The following ZNF131 variants were observed in gnomAD, a reference collection of about 807,000 sequenced individuals.
ZNF131 encodes zinc finger and BTB domain containing 35.
A neutral mutation model predicts 60.0 loss-of-function variants in ZNF131; 7 were observed. That is an observed-to-expected ratio of 0.12 (90% CI 0.07 to 0.22). ZNF131 has a LOEUF of 0.22. ZNF131 is among the 10% of genes least tolerant of loss of function. ZNF131 has a pLI of 1.00. For missense variants in ZNF131, 493 were observed against 740.9 expected (o/e 0.67, Z 3.88); for synonymous variants, 257 against 253.2 (o/e 1.01, Z -0.14).
chr5:43,163,936 C>T (rs1232300256), intron 5 of ZNF131, among the ~76,000 whole-genome samples: 1 of 152,126 alleles, frequency 6.6e-6, no homozygotes, highest in Non-Finnish European at 1.5e-5. Context: ...TGATGTTATC[C>T]CCCTCACTGT....
chr5:43,171,492 G>T (rs113122114), intron 5 of ZNF131, among the ~76,000 whole-genome samples: 1 of 152,072 alleles, frequency 6.6e-6, no homozygotes, highest in Admixed American at 6.6e-5. Context: ...CACTAACATG[G>T]TGAAACTCTG....
At chr5:43,141,812 T>C (rs976134153) in intron 4 of ZNF131, among the ~76,000 whole-genome samples, 3 of 151,744 alleles carry the variant, frequency 2.0e-5, no homozygotes, top group Non-Finnish European at 2.9e-5. Flanking sequence ...AAAACAATCA[T>C]TGCTTTTCAG....
chr5:43,120,930 G>A lies in ZNF131; in HGVS notation c.-209G>A, dbSNP rs961405840. ...GCCGCTGCCGGGGCCGCGGCCGCCC[G>A]GGTGCCCAACCGAACGCACGTGCGC... On this transcript the variant is annotated 5_prime_UTR_variant, in exon 1 of 7. Coordinates refer to ENST00000682664, the MANE Select transcript of ZNF131 (RefSeq NM_001330707.2). 1.3e-5 allele frequency: 2 copies of A among 152,188 alleles called. No homozygotes were observed. Among genetic ancestry groups the A allele is most frequent in the African/African-American group, 4.8e-5 (2 of 41,456 alleles). The allele number at this position is 152,188 out of a possible 1,614,324, so 9.4% of individuals were successfully genotyped here.
chr5:43,159,669 T>C (rs1252108659), intron 4 of ZNF131, among the ~76,000 whole-genome samples: 2 of 133,250 alleles, frequency 1.5e-5, no homozygotes, highest in Non-Finnish European at 1.6e-5. Flanking sequence ...CACTCCAGCC[T>C]GGGCCACAAG....
intron 5 of ZNF131, among the ~76,000 whole-genome samples, chr5:43,163,726 C>A (rs1750029948): frequency 6.6e-6 from 1 of 152,160 alleles, no homozygotes; most frequent in Non-Finnish European, 1.5e-5. Context: ...GACATTTGTT[C>A]CCAAGTCTTT....
intron 3 of ZNF131, among the ~76,000 whole-genome samples, chr5:43,136,067 C>A (rs1746043486): frequency 6.6e-6 from 1 of 152,110 alleles, no homozygotes; most frequent in African/African-American, 2.4e-5. Flanking sequence ...GTGAGCCGAG[C>A]CTCTGTACTC....
chr5:43,164,007 A>T (rs1288472961), intron 5 of ZNF131, among the ~76,000 whole-genome samples: 3 of 152,216 alleles, frequency 2.0e-5, no homozygotes, highest in Admixed American at 6.5e-5. Flanking sequence ...GGGATCTTGT[A>T]CTTAAGGCTC....
At chr5:43,173,710 G>A (rs1168681704) in intron 6 of ZNF131, among the ~76,000 whole-genome samples, 3 of 151,864 alleles carry the variant, frequency 2.0e-5, no homozygotes, top group Admixed American at 2.0e-4. Flanking sequence ...AAAATTTGGG[G>A]TGGGGATTGG....
intron 3 of ZNF131, among the ~76,000 whole-genome samples, chr5:43,138,650 A>T (rs1579767092): frequency 6.6e-6 from 1 of 152,278 alleles, no homozygotes; most frequent in Non-Finnish European, 1.5e-5. Flanking sequence ...ACTCCATCTC[A>T]AAATAAATAA....
intron 4 of ZNF131, among the ~76,000 whole-genome samples, chr5:43,155,069 G>C (rs1748789404): frequency 6.6e-6 from 1 of 152,204 alleles, no homozygotes; most frequent in Non-Finnish European, 1.5e-5. Context: ...ACTTGCAGCA[G>C]CCCAGTGAAC....
intron 5 of ZNF131, among the ~76,000 whole-genome samples, chr5:43,164,908 A>T (rs560492242): frequency 6.6e-6 from 1 of 152,300 alleles, no homozygotes; most frequent in Non-Finnish European, 1.5e-5. Flanking sequence ...CAATTTCTAT[A>T]CTGGTAATTA....
intron 5 of ZNF131, among the ~76,000 whole-genome samples, chr5:43,169,421 C>T (rs1750716284): frequency 6.6e-6 from 1 of 152,220 alleles, no homozygotes; most frequent in Non-Finnish European, 1.5e-5. Context: ...CTTGAAGTAA[C>T]TACTGCTATC....
At chr5:43,134,357 A>G (rs1264842649) in intron 3 of ZNF131, among the ~76,000 whole-genome samples, 2 of 152,178 alleles carry the variant, frequency 1.3e-5, no homozygotes, top group East Asian at 3.8e-4. Flanking sequence ...ACAAACGAGG[A>G]ATAGAAGGAA....
At chr5:43,162,452 CGTG>C (rs1349811422) in intron 5 of ZNF131, among the ~76,000 whole-genome samples, 2 of 150,998 alleles carry the variant, frequency 1.3e-5, no homozygotes, top group African/African-American at 2.4e-5. Flanking sequence ...ATTAGCCAGG[CGTG>C]GTGGTGGGCA....
In ZNF131 at chr5:43,122,196, A is replaced by C; in HGVS notation, c.124+19A>C. 2 of 1,588,184 alleles carry C rather than the reference A, an allele frequency of 1.3e-6. No individual in the cohort carries two copies. The highest frequency in any genetic ancestry group is 1.7e-6 in the Non-Finnish European group (2 of 1,172,754). On this transcript the variant is annotated intron_variant, in intron 2 of 6. Coordinates refer to ENST00000682664, the MANE Select transcript of ZNF131 (RefSeq NM_001330707.2). ...GTCGACGGTGGGTAGGGCAGTGGGCAGAGGAGCGAATTTTTGGCTTCAGTT... is the reference window on the plus strand; with the variant it reads ...GTCGACGGTGGGTAGGGCAGTGGGCCGAGGAGCGAATTTTTGGCTTCAGTT...
At chr5:43,137,593 C>G (rs1235486041) in intron 3 of ZNF131, among the ~76,000 whole-genome samples, 1 of 150,734 alleles carries the variant, frequency 6.6e-6, no homozygotes, top group Non-Finnish European at 1.5e-5. Flanking sequence ...AAAAAGACAA[C>G]TAGTATTGGT....
At chr5:43,165,802 C>A (rs914483583) in intron 5 of ZNF131, among the ~76,000 whole-genome samples, 18 of 152,208 alleles carry the variant, frequency 1.2e-4, no homozygotes, top group African/African-American at 4.3e-4. Flanking sequence ...CAGTCATTGA[C>A]TTCTCCCTAA....
intron 3 of ZNF131, among the ~76,000 whole-genome samples, chr5:43,130,130 A>G (rs1745108619): frequency 1.3e-5 from 2 of 151,476 alleles, no homozygotes; most frequent in South Asian, 4.2e-4. Context: ...CGGACATGGC[A>G]GCGCGTGCCT....
chr5:43,122,173 C>G lies in ZNF131; in HGVS notation c.120C>G (p.Val40=). 1.9e-6 allele frequency: 3 copies of G among 1,609,938 alleles called. No homozygotes were observed. ...GGTTTACTGACATCACCCTAATTGT[C>G]GACGGTGGGTAGGGCAGTGGGCAGA... ...QDRFTDITLI[V]DGHHFKAHKA... is the part of the protein sequence containing the mutation. The change falls in exon 2 of 7, where the codon GTC becomes GTG. Residue 40 remains valine (V), a synonymous_variant. Coordinates refer to ENST00000682664, the MANE Select transcript of ZNF131 (RefSeq NM_001330707.2).
Sources: allele counts gnomAD v4.1 joint callset (sites outside exome capture counted in the v4.1 genomes callset), GRCh38; gene constraint gnomAD v4.1.1; transcripts MANE v1.5; gene names NCBI Gene and HGNC (gene_info 2026-07-23, HGNC 2026-07-21).